The following HBEGF variants were observed in gnomAD, a reference collection of about 807,000 sequenced individuals.
HBEGF encodes proheparin-binding EGF-like growth factor.
HBEGF carries 8 observed loss-of-function variants against 19.5 expected under a neutral mutation model. That is an observed-to-expected ratio of 0.41 (90% CI 0.24 to 0.74). The LOEUF (loss-of-function observed/expected upper bound fraction) is 0.74, where lower values mean the gene tolerates loss of function less well. Ranked by LOEUF, HBEGF falls within the 30% of genes least tolerant of loss-of-function variation. HBEGF has a pLI of 0.32. For missense variants in HBEGF, 207 were observed against 256.9 expected (o/e 0.81, Z 1.33); for synonymous variants, 97 against 108.9 (o/e 0.89, Z 0.68).
Position 140,342,747 on chromosome 5 carries a change from T to C in HBEGF, c.286A>G (p.Lys96Glu). ...TTCTTCCCTAGCCCCTTGCCTTTCT[T>C]CTTTCTTTTCCCGTGCTCCTCCTTG... ...PNKEEHGKRK[K>E]KGKGLGKKRD... Residue 96 changes from lysine to glutamate, a missense_variant, in exon 3 of 6, where the codon AAG becomes GAG. Physicochemically the swap from Lys to Glu is moderately conservative, Grantham distance 56 (BLOSUM62 1). Transcript: ENST00000230990. The C allele has an allele frequency of 6.2e-7, 1 of 1,614,236 alleles. No individual in the cohort carries two copies. Among genetic ancestry groups the C allele is most frequent in the Non-Finnish European group, 8.5e-7 (1 of 1,180,040 alleles).
chr5:140,346,386 G>A lies in HBEGF; in HGVS notation c.-58C>T. 1 of 1,561,796 alleles carries A rather than the reference G, an allele frequency of 6.4e-7. No homozygotes were observed. Among genetic ancestry groups the A allele is most frequent in the Non-Finnish European group, 8.7e-7 (1 of 1,150,642 alleles). ...AGTCACTTTCGAAGCGGCGGCCACT[G>A]GGCGCTGGCACCAGAGCTGGGCGGC... On this transcript the variant is annotated 5_prime_UTR_variant, in exon 1 of 6. Transcript: ENST00000230990. This position sits in a 1 kb window ranked among gnomAD's most constrained non-coding sequence, Gnocchi z 6.1.
At position 140,346,382 on chromosome 5, in the gene HBEGF, C is replaced by T; in HGVS notation, c.-54G>A. 1 of 1,571,826 alleles carries T rather than the reference C, an allele frequency of 6.4e-7. No homozygotes were observed. The highest frequency in any genetic ancestry group is 1.8e-5 in the Admixed American group (1 of 55,228). On this transcript the variant is annotated 5_prime_UTR_variant, in exon 1 of 6. Transcript: ENST00000230990. This position sits in a 1 kb window ranked among gnomAD's most constrained non-coding sequence, Gnocchi z 6.1. Reference sequence around the variant, plus strand: ...CACCAGTCACTTTCGAAGCGGCGGCCACTGGGCGCTGGCACCAGAGCTGGG... The same window carrying T: ...CACCAGTCACTTTCGAAGCGGCGGCTACTGGGCGCTGGCACCAGAGCTGGG...
chr5:140,345,098 G>A (rs4150202), intron 2 of HBEGF, among the ~76,000 whole-genome samples: 273 of 152,340 alleles, frequency 1.8e-3, no homozygotes, highest in African/African-American at 6.5e-3. Context: ...AACTAGAACA[G>A]GTGGGCATCT....
rs985811734 is a variant in HBEGF, at chr5:140,346,162, G to A, written c.47-78C>T. 3.2e-6 allele frequency: 5 copies of A among 1,559,930 alleles called. No homozygotes were observed. The highest frequency in any genetic ancestry group is 4.3e-6 in the Non-Finnish European group (5 of 1,153,626). On this transcript the variant is annotated intron_variant, in intron 1 of 5. Coordinates refer to ENST00000230990, the MANE Select transcript of HBEGF (RefSeq NM_001945.3). The surrounding 1 kb of genome is among the most constrained non-coding windows in gnomAD (Gnocchi z 6.1). ...CACGCACCGATGCCGACGCCCGTCC[G>A]CCAGAGCGCAAGGGCCCCACCAAGT...
chr5:140,335,765 T>G, intron 4 of HBEGF, 107 bp downstream of exon 4: 1 of 1,214,452 alleles, frequency 8.2e-7, no homozygotes, highest in Non-Finnish European at 1.2e-6. Flanking sequence ...TAGCCCATGA[T>G]TTGGAAAGAT....
Position 140,346,052 on chromosome 5 carries a change from C to G in HBEGF, c.79G>C (p.Glu27Gln), listed in dbSNP as rs1312492499. 6.2e-7 allele frequency: 1 copy of G among 1,613,796 alleles called. No homozygotes were observed. The highest frequency in any genetic ancestry group is 1.7e-5 in the Admixed American group (1 of 59,986). ...GCAGCTAGCCCTCTCCGAAGCCGCT[C>G]CAGGCTCTCGCCAGTCACCAGTGCC... ...LSALVTGESL[E>Q]RLRRGLAAGT... The change falls in exon 2 of 6, where the codon GAG (glutamate) becomes CAG (glutamine). Residue 27 changes from glutamate to glutamine, a missense_variant. Physicochemically the swap from Glu to Gln is conservative, Grantham distance 29. Around this residue, in one of 3 missense-constraint regions of HBEGF, gnomAD observed 127 missense variants for 132.7 expected, o/e 0.96. Coordinates refer to ENST00000230990, the MANE Select transcript of HBEGF (RefSeq NM_001945.3). The surrounding 1 kb of genome is among the most constrained non-coding windows in gnomAD (Gnocchi z 6.1).
intron 3 of HBEGF, among the ~76,000 whole-genome samples, chr5:140,338,564 G>A (rs4150224): frequency 0.01 from 1,573 of 152,180 alleles, 27 homozygotes; most frequent in African/African-American, 0.036. Flanking sequence ...TCAGAGTCCC[G>A]CAATTCAGTT....
At chr5:140,336,157 C>A in intron 3 of HBEGF, 130 bp from the exon 4 acceptor site, 1 of 828,000 alleles carries the variant, frequency 1.2e-6, no homozygotes. Flanking sequence ...GATCCCTGCC[C>A]ATCCTCCATC....
At chr5:140,338,962 A>G (rs1766268487) in intron 3 of HBEGF, among the ~76,000 whole-genome samples, 1 of 152,272 alleles carries the variant, frequency 6.6e-6, no homozygotes, top group South Asian at 2.1e-4. Flanking sequence ...ATTTCTAGCC[A>G]GGTAATTTTG....
chr5:140,342,522 G>T, intron 3 of HBEGF, 113 bp downstream of exon 3: 1 of 1,068,740 alleles, frequency 9.4e-7, no homozygotes, highest in Admixed American at 2.1e-5. Flanking sequence ...CCGCCCAGAG[G>T]TTGAGAAGAA....
chr5:140,334,535 G>T (rs1328561738), intron 5 of HBEGF, 123 bp downstream of exon 5: 18 of 734,214 alleles, frequency 2.5e-5, no homozygotes, highest in Non-Finnish European at 4.2e-5. Flanking sequence ...TTCTGCAATG[G>T]GATATTAATG....
chr5:140,345,858 C>T, intron 2 of HBEGF, 53 bp downstream of exon 2: 2 of 1,601,418 alleles, frequency 1.2e-6, no homozygotes, highest in Non-Finnish European at 1.7e-6. Flanking sequence ...CTTGGATCTG[C>T]TTATTCTTCA....
At chr5:140,335,549 T>A (rs2126716043) in intron 4 of HBEGF, among the ~76,000 whole-genome samples, 2 of 151,970 alleles carry the variant, frequency 1.3e-5, no homozygotes, top group Admixed American at 1.3e-4. Flanking sequence ...CCAAACCACA[T>A]ACTAATGCCA....
Position 140,345,894 on chromosome 5 carries a change from G to A in HBEGF, c.220+17C>T. On this transcript the variant is annotated intron_variant, in intron 2 of 5. Coordinates refer to ENST00000230990, the MANE Select transcript of HBEGF (RefSeq NM_001945.3). Reference sequence around the variant, plus strand: ...ACAGCCCACCAAGGTCCAAGGATGGGGGGCCTCCACACCCACCTCTCAAAA... The same window carrying A: ...ACAGCCCACCAAGGTCCAAGGATGGAGGGCCTCCACACCCACCTCTCAAAA... 2 of 1,613,794 alleles carry A rather than the reference G, an allele frequency of 1.2e-6. No homozygotes were observed. Among genetic ancestry groups the A allele is most frequent in the Non-Finnish European group, 1.7e-6 (2 of 1,179,830 alleles).
At chr5:140,342,983 C>A in intron 2 of HBEGF, 171 bp from the exon 3 acceptor site, 1 of 646,476 alleles carries the variant, frequency 1.5e-6, no homozygotes, top group South Asian at 2.0e-5. Flanking sequence ...GAAGATTGGG[C>A]AGAACCACCA....
In HBEGF at chr5:140,335,876, A is replaced by G; in HGVS notation, c.550T>C (p.Phe184Leu). 6.2e-7 allele frequency: 1 copy of G among 1,613,982 alleles called. No individual in the cohort carries two copies. Among genetic ancestry groups the G allele is most frequent in the Admixed American group, 1.7e-5 (1 of 60,002 alleles). ...CLLVIVGLLM[F>L]RYHRRGGYDV... The stretch of plus-strand genomic sequence containing the variant: ...GCAGGGGACCCCAACACTCACCTAA[A>G]CATGAGAAGCCCCACGATGACCAGC... The change falls in exon 4 of 6, where the codon TTT (phenylalanine) becomes CTT (leucine). Residue 184 changes from phenylalanine to leucine, a missense_variant. This residue lies in a region of HBEGF where 77 missense variants were observed against 106.9 expected (regional missense o/e 0.72). Transcript: ENST00000230990.
intron 3 of HBEGF, 70 bp from the exon 4 acceptor site, chr5:140,336,097 A>G (rs1766223913): frequency 1.3e-6 from 2 of 1,516,244 alleles, no homozygotes; most frequent in South Asian, 1.2e-5. Flanking sequence ...GCCCACCTGC[A>G]TAAGCCAAAC....
chr5:140,342,244 C>G (rs2126718806), intron 3 of HBEGF, among the ~76,000 whole-genome samples: 1 of 152,194 alleles, frequency 6.6e-6, no homozygotes, highest in South Asian at 2.1e-4. Flanking sequence ...AATGCACTTC[C>G]TACCTTCCCA....
chr5:140,335,642 T>A (rs1009890387), intron 4 of HBEGF, among the ~76,000 whole-genome samples: 3 of 152,050 alleles, frequency 2.0e-5, no homozygotes, highest in African/African-American at 4.8e-5. Flanking sequence ...GGAAAAGAAC[T>A]CCTGTGAGGA....
Sources: allele counts gnomAD v4.1 joint callset (sites outside exome capture counted in the v4.1 genomes callset), GRCh38; gene constraint gnomAD v4.1.1; regional missense constraint gnomAD v4.1.1; non-coding constraint Gnocchi (gnomAD v3.1); transcripts MANE v1.5; gene names NCBI Gene and HGNC (gene_info 2026-07-23, HGNC 2026-07-21).